Variants in LAMA2 observed in about 807,000 individuals in gnomAD.
LAMA2 encodes laminin subunit alpha-2.
A neutral mutation model predicts 364.8 loss-of-function variants in LAMA2; 269 were observed. The observed-to-expected ratio is 0.74, with a 90% CI of 0.67 to 0.82. The LOEUF is 0.82. Among genes scored for constraint, LAMA2 ranks in the 40% least tolerant of loss-of-function variants. The pLI, the probability that LAMA2 is intolerant of heterozygous loss-of-function variation, is 0.00. For synonymous variants in LAMA2, 1,379 were observed against 1,370.6 expected, an observed-to-expected ratio of 1.01 and a Z score of -0.14; for missense variants, 3,807 against 3,873.2, an observed-to-expected ratio of 0.98 and a Z score of 0.45.
intron 41 of LAMA2, among the ~76,000 whole-genome samples, chr6:129,435,001 C>CAA (rs202098959): frequency 6.9e-6 from 1 of 145,402 alleles, no homozygotes; most frequent in Non-Finnish European, 1.5e-5. Context: ...CTTGCTAGTA[C>CAA]AAAAAAAAAA....
In LAMA2 at chr6:129,004,093, A is replaced by G. The variant is rs1294591368; in HGVS notation, c.113-45825A>G. On this transcript the variant is annotated intron_variant, in intron 1 of 64. Transcript: ENST00000421865. ...CAGCCATAAAAAATGATGAGTTCAT[A>G]TCCTTTGTAGGGACATGGATGAAAT... 6.3e-3 allele frequency among the ~76,000 whole-genome samples: 33 copies of G among 5,232 alleles called. 1 individual carries two copies. The highest frequency in any genetic ancestry group is 0.035 in the African/African-American group (18 of 510). 3.4% of individuals were successfully genotyped at this position (5,232 alleles called of 152,430 possible).
rs150798885 is a variant in LAMA2 at position 129,066,678 on chromosome 6, C to T, written c.396+6782C>T. On this transcript the variant is annotated intron_variant, in intron 3 of 64. Transcript: ENST00000421865. ...TCACACTATCTGACTTTAAAATATA[C>T]TACAAAGCTGTAGTAATCAAAACAG... Among the ~76,000 whole-genome samples the T allele has an allele frequency of 2.4e-3, 359 of 152,292 alleles. 2 individuals carry two copies. Among genetic ancestry groups the T allele is most frequent in the African/African-American group, 8.0e-3 (331 of 41,564 alleles).
At chr6:129,352,319 G>A (rs1191950919) in intron 31 of LAMA2, among the ~76,000 whole-genome samples, 2 of 152,168 alleles carry the variant, frequency 1.3e-5, no homozygotes, top group African/African-American at 2.4e-5. Flanking sequence ...GCATAGATAC[G>A]TGGAAGAGTC....
At chr6:128,883,983 T>C (rs1776001106) in intron 1 of LAMA2, among the ~76,000 whole-genome samples, 1 of 152,136 alleles carries the variant, frequency 6.6e-6, no homozygotes, top group South Asian at 2.1e-4. Context: ...CATATCCTAT[T>C]TTATTGTAGT....
chr6:129,129,435 A>G (rs372128807), intron 4 of LAMA2, among the ~76,000 whole-genome samples: 1 of 152,206 alleles, frequency 6.6e-6, no homozygotes, highest in African/African-American at 2.4e-5. Flanking sequence ...CTGTACATAC[A>G]GATTGTACAC....
chr6:129,100,229 T>C (rs1178165754), intron 4 of LAMA2, among the ~76,000 whole-genome samples: 1 of 152,130 alleles, frequency 6.6e-6, no homozygotes, highest in Admixed American at 6.5e-5. Flanking sequence ...ATTAGTTAAT[T>C]AGTTAGTTTC....
At chr6:128,997,085 A>G (rs1783994466) in intron 1 of LAMA2, among the ~76,000 whole-genome samples, 1 of 143,082 alleles carries the variant, frequency 7.0e-6, no homozygotes, top group East Asian at 2.4e-4. Flanking sequence ...GTGAGAACAT[A>G]TGGACGGACA....
At chr6:129,455,268 A>G (rs79424165) in intron 47 of LAMA2, among the ~76,000 whole-genome samples, 2 of 152,074 alleles carry the variant, frequency 1.3e-5, no homozygotes, top group Admixed American at 6.6e-5. Flanking sequence ...ATAAAAAAAA[A>G]TGAGAAGCAA....
intron 1 of LAMA2, among the ~76,000 whole-genome samples, chr6:128,924,284 G>A (rs1778946287): frequency 1.3e-5 from 2 of 152,032 alleles, no homozygotes; most frequent in South Asian, 4.2e-4. Flanking sequence ...CCATTAACAT[G>A]GTGTTATATT....
intron 3 of LAMA2, among the ~76,000 whole-genome samples, chr6:129,088,679 G>A (rs545897392): frequency 2.1e-4 from 31 of 150,000 alleles, no homozygotes; most frequent in Admixed American, 5.3e-4. Context: ...CAGACGGGGC[G>A]GCTGCCGGGC....
intron 61 of LAMA2, among the ~76,000 whole-genome samples, chr6:129,505,948 T>G (rs1786034312): frequency 6.6e-6 from 1 of 152,220 alleles, no homozygotes; most frequent in African/African-American, 2.4e-5. Flanking sequence ...TGACTAGCTG[T>G]GTGTTTTGGA....
In LAMA2 at chr6:129,190,253, A is replaced by C; in HGVS notation, c.1516A>C (p.Asn506His). Residue 506 changes from asparagine (N) to histidine (H), a missense_variant, in exon 11 of 65, where the codon AAT (asparagine) becomes CAT (histidine). By Grantham distance (68) the Asn-to-His change is moderately conservative. This residue lies in a region of LAMA2 where 3,333 missense variants were observed against 3,345.7 expected (regional missense o/e 1.00). Coordinates refer to ENST00000421865, the MANE Select transcript of LAMA2 (RefSeq NM_000426.4). ...DCSRCKSGFF[N>H]LQEDNWKGCD... ...TAGTCGTTGCAAATCCGGCTTCTTCAATTTGCAAGAGGATAATTGGAAAGG... is the reference window on the plus strand; with the variant it reads ...TAGTCGTTGCAAATCCGGCTTCTTCCATTTGCAAGAGGATAATTGGAAAGG... 6.2e-7 allele frequency: 1 copy of C among 1,613,712 alleles called. No homozygotes were observed. Among genetic ancestry groups the C allele is most frequent in the South Asian group, 1.1e-5 (1 of 91,084 alleles).
In LAMA2 at chr6:129,314,653, A is replaced by G; in HGVS notation, c.3412-2A>G. ...CTCTGAGGGTCTCTTGTCTTTCCTC[A>G]GGTGAATGTGGAAGGCATCCACTGT... On this transcript the variant is annotated splice_acceptor_variant, in intron 23 of 64. Transcript: ENST00000421865. LOFTEE classifies it high-confidence loss of function. The G allele has an allele frequency of 1.2e-6, 2 of 1,613,400 alleles. No homozygotes were observed. Among genetic ancestry groups the G allele is most frequent in the Non-Finnish European group, 1.7e-6 (2 of 1,179,958 alleles).
chr6:129,464,332 A>G lies in LAMA2; in HGVS notation c.7035A>G (p.Gly2345=). ...EDSEGTIQFD[G]EGYALVSRPI... The stretch of plus-strand genomic sequence containing the variant: ...GTGAGGGGACTATTCAATTTGATGG[A>G]GAAGGTTATGCATTGGTCAGCCGTC... Residue 2345 remains glycine, a synonymous_variant, in exon 50 of 65, where the codon GGA becomes GGG. Coordinates refer to ENST00000421865, the MANE Select transcript of LAMA2 (RefSeq NM_000426.4). 6.2e-7 allele frequency: 1 copy of G among 1,612,250 alleles called. No homozygotes were observed. Among genetic ancestry groups the G allele is most frequent in the Non-Finnish European group, 8.5e-7 (1 of 1,178,698 alleles).
intron 1 of LAMA2, among the ~76,000 whole-genome samples, chr6:128,902,189 C>A (rs1777130845): frequency 6.6e-6 from 1 of 152,164 alleles, no homozygotes; most frequent in African/African-American, 2.4e-5. Flanking sequence ...GGTCCCTCCC[C>A]CAACACATGG....
intron 1 of LAMA2, among the ~76,000 whole-genome samples, chr6:128,889,965 T>C (rs1018189312): frequency 7.9e-5 from 12 of 152,332 alleles, no homozygotes; most frequent in Admixed American, 5.9e-4. Flanking sequence ...CTCTGTGACA[T>C]GCCTAATCTA....
chr6:129,087,896 T>C (rs1329323502), intron 3 of LAMA2, among the ~76,000 whole-genome samples: 1 of 150,706 alleles, frequency 6.6e-6, no homozygotes, highest in East Asian at 1.9e-4. Flanking sequence ...TAATTTAATT[T>C]TATTTATTTA....
At chr6:129,454,030 TATC>T (rs1782827315) in intron 46 of LAMA2, 122 bp from the exon 47 acceptor site, 2 of 590,204 alleles carry the variant, frequency 3.4e-6, no homozygotes, top group Non-Finnish European at 6.2e-6. Context: ...TGACAAGTAT[TATC>T]ATGAAGCTCC....
chr6:128,938,269 T>C (rs1242168225), intron 1 of LAMA2, among the ~76,000 whole-genome samples: 2 of 152,160 alleles, frequency 1.3e-5, no homozygotes, highest in African/African-American at 4.8e-5. Context: ...TGACTGATTG[T>C]GAAGATGAAA....
Sources: allele counts gnomAD v4.1 joint callset (sites outside exome capture counted in the v4.1 genomes callset), GRCh38; gene constraint gnomAD v4.1.1; regional missense constraint gnomAD v4.1.1; transcripts MANE v1.5; gene names NCBI Gene and HGNC (gene_info 2026-07-23, HGNC 2026-07-21).